Variants in AK8 observed in about 807,000 individuals in gnomAD.
The protein encoded by AK8 is adenylate kinase 8, also known as ATP-AMP transphosphorylase 8.
Under a neutral mutation model 54.6 loss-of-function variants are expected in AK8, and 44 were observed. The observed-to-expected ratio is 0.81, with a 90% CI of 0.63 to 1.04. AK8 has a LOEUF of 1.04. AK8 is among the 50% of genes least tolerant of loss of function. The probability of loss-of-function intolerance (pLI) is 0.00; values close to 1 mark genes in which losing one functional copy is unlikely to be tolerated. For missense variants in AK8, 555 were observed against 613.6 expected, an observed-to-expected ratio of 0.90 and a Z score of 1.01; for synonymous variants, 239 against 245.6, an observed-to-expected ratio of 0.97 and a Z score of 0.25.
chr9:132,816,448 T>A (rs1841334500), intron 9 of AK8, among the ~76,000 whole-genome samples: 1 of 152,088 alleles, frequency 6.6e-6, no homozygotes, highest in Admixed American at 6.5e-5. Flanking sequence ...GTGTGCTTTG[T>A]TTTATTTGGT....
intron 11 of AK8, among the ~76,000 whole-genome samples, chr9:132,738,016 CTAAA>C (rs1448111691): frequency 6.6e-6 from 1 of 151,904 alleles, no homozygotes; most frequent in Non-Finnish European, 1.5e-5. Flanking sequence ...GTGCTAAGTG[CTAAA>C]TAAATATTTA....
intron 8 of AK8, among the ~76,000 whole-genome samples, chr9:132,824,261 C>T (rs575011865): frequency 6.6e-6 from 1 of 152,348 alleles, no homozygotes; most frequent in South Asian, 2.1e-4. Flanking sequence ...TGCCAGCCCC[C>T]ACCCCAGCGT....
chr9:132,867,046 T>C, intron 2 of AK8, 93 bp from the exon 3 acceptor site: 2 of 1,251,284 alleles, frequency 1.6e-6, no homozygotes, highest in Non-Finnish European at 2.3e-6. Flanking sequence ...TCTCCCTCCC[T>C]AGATTTCATT....
intron 10 of AK8, among the ~76,000 whole-genome samples, chr9:132,800,767 C>T (rs889666080): frequency 2.0e-5 from 3 of 152,198 alleles, no homozygotes; most frequent in Non-Finnish European, 4.4e-5. Context: ...TTGTGCCCCT[C>T]CTCCCTTGGA....
At chr9:132,865,802 ACT>A (rs1843569389) in intron 3 of AK8, among the ~76,000 whole-genome samples, 1 of 149,052 alleles carries the variant, frequency 6.7e-6, no homozygotes, top group African/African-American at 2.5e-5. Context: ...ACAGAGGGAG[ACT>A]CTGTCTCAAA....
At chr9:132,870,117 C>T (rs75052925) in intron 2 of AK8, among the ~76,000 whole-genome samples, 52 of 152,276 alleles carry the variant, frequency 3.4e-4, no homozygotes, top group African/African-American at 1.2e-3. Flanking sequence ...TGAGAGTTCC[C>T]GGGCTGGGGG....
intron 11 of AK8, among the ~76,000 whole-genome samples, chr9:132,753,408 G>C (rs774759596): frequency 2.6e-5 from 4 of 152,254 alleles, no homozygotes; most frequent in Admixed American, 6.5e-5. Context: ...TCTGGGAAGG[G>C]CTTAGGGGCA....
chr9:132,875,859 C>T (rs1296499091), intron 1 of AK8, among the ~76,000 whole-genome samples: 1 of 152,252 alleles, frequency 6.6e-6, no homozygotes, highest in Non-Finnish European at 1.5e-5. Context: ...ACATGACCGT[C>T]ACCACTAACT....
Position 132,863,795 on chromosome 9 carries a change from A to C in AK8, c.220-17T>G. On this transcript the variant is annotated splice_polypyrimidine_tract_variant and intron_variant, in intron 3 of 12. Coordinates refer to ENST00000298545, the MANE Select transcript of AK8 (RefSeq NM_152572.3). ...CCACATTGCCTGAAGAAAGGAAAGA[A>C]GAAAAGGGCATTTTCATAAAAACAA... is the stretch of plus-strand genomic sequence containing the variant. The C allele has an allele frequency of 6.4e-7, 1 of 1,563,920 alleles. No homozygotes were observed.
At chr9:132,829,480 A>G (rs1032344816) in intron 5 of AK8, among the ~76,000 whole-genome samples, 2 of 152,108 alleles carry the variant, frequency 1.3e-5, no homozygotes, top group African/African-American at 4.8e-5. Flanking sequence ...CGCTTTCCAC[A>G]TTTTGGATAA....
intron 11 of AK8, among the ~76,000 whole-genome samples, chr9:132,746,842 G>A (rs1325983245): frequency 6.6e-6 from 1 of 152,202 alleles, no homozygotes; most frequent in Non-Finnish European, 1.5e-5. Context: ...CACATTAAAA[G>A]AAAGTAAGTT....
intron 7 of AK8, chr9:132,827,784 T>G (rs971286978): frequency 5.5e-6 from 3 of 545,468 alleles, no homozygotes; most frequent in African/African-American, 3.8e-5. Context: ...ATTCTGGTTC[T>G]GCCACAAGAA....
chr9:132,831,981 T>C (rs1842120401), intron 5 of AK8, among the ~76,000 whole-genome samples: 1 of 146,150 alleles, frequency 6.8e-6, no homozygotes, highest in Non-Finnish European at 1.5e-5. Flanking sequence ...AAGATCCCCT[T>C]AGCCCAGGAA....
chr9:132,839,061 A>C (rs886210361), intron 5 of AK8, among the ~76,000 whole-genome samples: 5 of 152,016 alleles, frequency 3.3e-5, no homozygotes, highest in African/African-American at 1.2e-4. Context: ...CTCCTGCCTC[A>C]GCCTCCTAAG....
chr9:132,864,324 G>T (rs1843505253), intron 3 of AK8, among the ~76,000 whole-genome samples: 1 of 152,194 alleles, frequency 6.6e-6, no homozygotes, highest in East Asian at 1.9e-4. Flanking sequence ...TTTCAGCCTC[G>T]AGATGGTTCT....
chr9:132,878,136 C>T lies in AK8; in HGVS notation c.84+36G>A. On this transcript the variant is annotated intron_variant, in intron 1 of 12. Coordinates refer to ENST00000298545, the MANE Select transcript of AK8 (RefSeq NM_152572.3). This position sits in a 1 kb window ranked among gnomAD's most constrained non-coding sequence, Gnocchi z 4.7. Reference sequence around the variant, plus strand: ...CGTCGCAGTGGAGGCTCCCGAGCCGCCGCCAGCGTCGCGACGGGCAGGGGT... The same window carrying T: ...CGTCGCAGTGGAGGCTCCCGAGCCGTCGCCAGCGTCGCGACGGGCAGGGGT... 6.5e-7 allele frequency: 1 copy of T among 1,535,382 alleles called. No homozygotes were observed. Among genetic ancestry groups the T allele is most frequent in the Non-Finnish European group, 8.8e-7 (1 of 1,140,968 alleles).
chr9:132,845,778 C>CA (rs35258934), intron 5 of AK8, among the ~76,000 whole-genome samples: 45,321 of 108,554 alleles, frequency 0.42, 9,601 homozygotes, highest in South Asian at 0.59. Flanking sequence ...AACTCCATCT[C>CA]AAAAAAAAAA....
At chr9:132,849,874 T>G (rs1045283632) in intron 5 of AK8, among the ~76,000 whole-genome samples, 3 of 150,450 alleles carry the variant, frequency 2.0e-5, no homozygotes, top group Admixed American at 1.3e-4. Flanking sequence ...GCCTCCCGAG[T>G]AGCTGCGATT....
rs374200048 is a variant in AK8 at position 132,761,067 on chromosome 9, C to G, written c.1121+31567G>C. Among the ~76,000 whole-genome samples, 5 of 152,056 alleles carry G rather than the reference C, an allele frequency of 3.3e-5. 2 individuals are homozygous for G. On this transcript the variant is annotated intron_variant, in intron 11 of 12. Coordinates refer to ENST00000298545, the MANE Select transcript of AK8 (RefSeq NM_152572.3). ...TATGAAATGTATTGTGATGTGTTCC[C>G]TCTTTTTCTTTTTCTGTTTTCTGAA...
Sources: gnomAD v4.1 joint callset for allele counts (sites outside exome capture counted in the v4.1 genomes callset) on GRCh38, gnomAD v4.1.1 for gene constraint, Gnocchi (gnomAD v3.1) non-coding constraint, MANE v1.5 for transcripts, NCBI Gene and HGNC (gene_info 2026-07-23, HGNC 2026-07-21) for gene names.